WDR27: variants seen among roughly 807,000 people sequenced by gnomAD.
WDR27 encodes WD repeat domain 27.
A neutral mutation model predicts 114.4 loss-of-function variants in WDR27; 100 were observed. That is an observed-to-expected ratio of 0.87 (90% confidence interval 0.74 to 1.03). The LOEUF is 1.03. Ranked by LOEUF, WDR27 falls within the 50% of genes least tolerant of loss-of-function variation. The probability of loss-of-function intolerance (pLI) is 0.00; values close to 1 mark genes in which losing one functional copy is unlikely to be tolerated. For missense variants in WDR27, 1,129 were observed against 1,092.9 expected (o/e 1.03, Z -0.47); for synonymous variants, 449 against 423.1 (o/e 1.06, Z -0.75).
intron 2 of WDR27, among the ~76,000 whole-genome samples, chr6:169,678,354 T>C (rs1259608559): frequency 1.3e-5 from 2 of 152,254 alleles, no homozygotes; most frequent in African/African-American, 4.8e-5. Flanking sequence ...ATTTAATGAC[T>C]GTCCTGCTGG....
Position 169,654,368 on chromosome 6 carries a change from G to A in WDR27, c.1403-2360C>T, listed in dbSNP as rs116547858. On this transcript the variant is annotated intron_variant, in intron 13 of 25. Coordinates refer to ENST00000448612, the MANE Select transcript of WDR27 (RefSeq NM_182552.5). ...AGAAAGTTCCTGAGAAATCAATCAC[G>A]CAAGAACATGAATCCAAAAGATCCT... 2.7e-3 allele frequency among the ~76,000 whole-genome samples: 405 copies of A among 152,252 alleles called. 2 individuals are homozygous for A. Among genetic ancestry groups the A allele is most frequent in the African/African-American group, 9.4e-3 (390 of 41,544 alleles).
intron 8 of WDR27, 111 bp downstream of exon 8, chr6:169,664,055 C>T (rs1045427562): frequency 1.0e-5 from 11 of 1,065,690 alleles, no homozygotes; most frequent in South Asian, 1.7e-5. Context: ...CCCTTGGCTT[C>T]TCCTACATTG....
intron 23 of WDR27, among the ~76,000 whole-genome samples, chr6:169,587,235 T>TA (rs1804827638): frequency 2.2e-5 from 2 of 91,970 alleles, no homozygotes; most frequent in South Asian, 9.8e-4. Flanking sequence ...TTTTTTTTTT[T>TA]AAAGACAGCA....
intron 22 of WDR27, among the ~76,000 whole-genome samples, chr6:169,606,855 T>G (rs1047696607): frequency 1.3e-5 from 2 of 152,214 alleles, no homozygotes; most frequent in African/African-American, 4.8e-5. Flanking sequence ...GGTCAAATGA[T>G]ATTTCTGGTT....
rs770730775 is a variant in WDR27, at chr6:169,665,574, G to A, written c.713-18C>T. The A allele has an allele frequency of 2.0e-5, 32 of 1,609,034 alleles. No homozygotes were observed. Among genetic ancestry groups the A allele is most frequent in the Middle Eastern group, 3.3e-4 (2 of 6,054 alleles). Reference sequence around the variant, plus strand: ...AGGATATGCTGGTGAAAGGAACATCGGAAAATTTAGCTTTGTAAGTGCCTG... The same window carrying A: ...AGGATATGCTGGTGAAAGGAACATCAGAAAATTTAGCTTTGTAAGTGCCTG... On this transcript the variant is annotated intron_variant, in intron 6 of 25. Transcript: ENST00000448612.
At chr6:169,566,096 G>A (rs62424702) in intron 25 of WDR27, among the ~76,000 whole-genome samples, 5 of 85,248 alleles carry the variant, frequency 5.9e-5, no homozygotes, top group South Asian at 6.8e-4. Flanking sequence ...ATTGTTACTC[G>A]TTAGAAGGAA....
chr6:169,698,863 G>A (rs1350447228), intron 1 of WDR27, among the ~76,000 whole-genome samples: 5 of 152,242 alleles, frequency 3.3e-5, no homozygotes, highest in Admixed American at 6.5e-5. Context: ...GGACTGTTGT[G>A]TAAGCAAGAG....
rs539541100 is a variant in WDR27 at position 169,621,291 on chromosome 6, C to T, written c.2224-7635G>A. On this transcript the variant is annotated intron_variant, in intron 21 of 25. Transcript: ENST00000448612. Reference sequence around the variant, plus strand: ...GCATACACACACACACACACATGCACGCACGCATATACATACCCACACACG... The same window carrying T: ...GCATACACACACACACACACATGCATGCACGCATATACATACCCACACACG... Among the ~76,000 whole-genome samples the T allele has an allele frequency of 1.9e-4, 29 of 151,602 alleles. No homozygotes were observed. In the East Asian group the frequency reaches 5.1e-3, roughly 27 times the overall value.
chr6:169,687,778 T>G (rs1386686009), intron 2 of WDR27, among the ~76,000 whole-genome samples: 1 of 152,160 alleles, frequency 6.6e-6, no homozygotes, highest in Non-Finnish European at 1.5e-5. Context: ...TATGAAAAGG[T>G]ACCCCTCCAA....
chr6:169,556,697 G>A (rs926447), intron 25 of WDR27, among the ~76,000 whole-genome samples: 17,140 of 152,088 alleles, frequency 0.11, 1,981 homozygotes, highest in East Asian at 0.58. Flanking sequence ...TAGATTAGGG[G>A]AAATACTGCA....
intron 4 of WDR27, among the ~76,000 whole-genome samples, chr6:169,669,282 GTCTGAAAGTCAT>G (rs1828719116): frequency 6.6e-6 from 1 of 152,222 alleles, no homozygotes; most frequent in Non-Finnish European, 1.5e-5. Context: ...CATTCCTCAT[GTCTGAAAGTCAT>G]TCTCCCCGAG....
chr6:169,611,105 A>G (rs1376555879), intron 22 of WDR27, among the ~76,000 whole-genome samples: 1 of 152,164 alleles, frequency 6.6e-6, no homozygotes, highest in Non-Finnish European at 1.5e-5. Flanking sequence ...GGTCCTTGCC[A>G]TGAATGGAGC....
At chr6:169,614,997 A>G (rs1345489275) in intron 21 of WDR27, among the ~76,000 whole-genome samples, 1 of 152,210 alleles carries the variant, frequency 6.6e-6, no homozygotes, top group Non-Finnish European at 1.5e-5. Context: ...CTTTCAAGAG[A>G]AAAGGTAAAC....
chr6:169,635,019 G>A (rs975052807), intron 19 of WDR27, among the ~76,000 whole-genome samples: 3 of 152,214 alleles, frequency 2.0e-5, no homozygotes, highest in Admixed American at 6.5e-5. Flanking sequence ...TGTGCCAGCC[G>A]AGATGGGAAC....
At chr6:169,592,915 A>T (rs1367754006) in intron 23 of WDR27, among the ~76,000 whole-genome samples, 1 of 152,222 alleles carries the variant, frequency 6.6e-6, no homozygotes, top group East Asian at 1.9e-4. Context: ...GAACATGGTT[A>T]TAAGAGTCCT....
In WDR27 at chr6:169,501,036, G is replaced by T. The variant is rs1262104898; in HGVS notation, c.2646-43402C>A. 2.0e-5 allele frequency among the ~76,000 whole-genome samples: 3 copies of T among 152,338 alleles called. No individual in the cohort carries two copies. In the South Asian group the frequency reaches 6.2e-4, roughly 32 times the overall value. ...CCTTGCCACCAAGGCTCCAGTACAG[G>T]AACCAGCAGGAGAAGCCTCCGTGTG... On this transcript the variant is annotated intron_variant, in intron 25 of 25. Transcript: ENST00000448612.
rs548598855 is a variant in WDR27, at chr6:169,638,996, G to A, written c.1748-336C>T. Among the ~76,000 whole-genome samples the A allele has an allele frequency of 5.5e-4, 84 of 151,740 alleles. 1 individual carries two copies. The South Asian group carries it at 0.016, about 28-fold the overall frequency. On this transcript the variant is annotated intron_variant, in intron 17 of 25. Transcript: ENST00000448612. ...GGTGCTGGGTACTGTGCAGTGCTGG[G>A]TACTGCGTGGTGCTGGATACTGCGT...
intron 24 of WDR27, among the ~76,000 whole-genome samples, chr6:169,578,397 C>T (rs2128135818): frequency 6.6e-6 from 1 of 152,188 alleles, no homozygotes; most frequent in South Asian, 2.1e-4. Flanking sequence ...GCAAACACGG[C>T]CTAGGTTTTG....
chr6:169,476,920 C>T (rs1488545883), intron 25 of WDR27, among the ~76,000 whole-genome samples: 1 of 152,120 alleles, frequency 6.6e-6, no homozygotes, highest in Admixed American at 6.5e-5. Flanking sequence ...TCTTGTTTGT[C>T]TTTGTTATAC....
Sources: gnomAD v4.1 joint callset for allele counts (sites outside exome capture counted in the v4.1 genomes callset) on GRCh38, gnomAD v4.1.1 for gene constraint, MANE v1.5 for transcripts, NCBI Gene and HGNC (gene_info 2026-07-23, HGNC 2026-07-21) for gene names.